EPB41: variants seen among roughly 807,000 people sequenced by gnomAD.
EPB41 encodes the protein erythrocyte membrane protein band 4.1, also known as protein 4.1.
In EPB41, 65 loss-of-function variants were observed where a neutral mutation model predicts 108.0. That is an observed-to-expected ratio of 0.60 (90% CI 0.49 to 0.74). The LOEUF is 0.74. Ranked by LOEUF, EPB41 falls within the 30% of genes least tolerant of loss-of-function variation. EPB41 has a pLI of 0.00. For synonymous variants in EPB41, 336 were observed against 358.9 expected, an observed-to-expected ratio of 0.94 and a Z score of 0.72; for missense variants, 875 against 1,037.0, an observed-to-expected ratio of 0.84 and a Z score of 2.15.
intron 1 of EPB41, among the ~76,000 whole-genome samples, chr1:28,975,614 A>G (rs1007065219): frequency 2.0e-5 from 3 of 152,106 alleles, no homozygotes; most frequent in Non-Finnish European, 4.4e-5. Flanking sequence ...GTCATTTCAT[A>G]ATGTGTCTTT....
At chr1:29,067,192 TAAAAATACAAA>T (rs1407734287) in intron 16 of EPB41, among the ~76,000 whole-genome samples, 3 of 145,298 alleles carry the variant, frequency 2.1e-5, no homozygotes, top group African/African-American at 7.7e-5. Flanking sequence ...CCATCTCTAC[TAAAAATACAAA>T]AAAATTAGCC....
At chr1:28,956,226 A>G (rs904263495) in intron 1 of EPB41, among the ~76,000 whole-genome samples, 1 of 152,178 alleles carries the variant, frequency 6.6e-6, no homozygotes. Flanking sequence ...TATACATGTC[A>G]TTGTGCGGTA....
In EPB41 at chr1:28,887,442, AG is replaced by A; in HGVS notation, c.-8+237del. On this transcript the variant is annotated intron_variant, in intron 1 of 16. Transcript: ENST00000347529. This position sits in a 1 kb window ranked among gnomAD's most constrained non-coding sequence, Gnocchi z 4.9. ...CAGGGAGGGGCGTGGGAGTCTGGAG[AG>A]GGGGTCCGGGAGCTCGGATCCGGAG... is the stretch of plus-strand genomic sequence containing the variant. 1 of 984,998 alleles carries A rather than the reference AG, an allele frequency of 1.0e-6. No individual in the cohort carries two copies. The highest frequency in any genetic ancestry group is 1.2e-6 in the Non-Finnish European group (1 of 829,800). The allele number at this position is 984,998 out of a possible 1,614,324, so 61.0% of individuals were successfully genotyped here. A position where few individuals can be genotyped will look rare whatever the true frequency, so the allele number is the denominator to read the frequency against.
At chr1:28,963,194 A>G (rs983322043) in intron 1 of EPB41, among the ~76,000 whole-genome samples, 2 of 152,204 alleles carry the variant, frequency 1.3e-5, no homozygotes, top group East Asian at 3.8e-4. Context: ...AACAAAAACA[A>G]ACAAATGAAA....
At chr1:28,935,260 G>GC (rs2093946563) in intron 1 of EPB41, among the ~76,000 whole-genome samples, 1 of 151,744 alleles carries the variant, frequency 6.6e-6, no homozygotes, top group Admixed American at 6.6e-5. Context: ...GCGAAACGCT[G>GC]TTTCTACACA....
At chr1:28,941,272 CG>C (rs1009573774) in intron 1 of EPB41, among the ~76,000 whole-genome samples, 1 of 151,644 alleles carries the variant, frequency 6.6e-6, no homozygotes, top group African/African-American at 2.4e-5. Flanking sequence ...CCCAGCTACT[CG>C]GGAGACTAAG....
At chr1:28,971,761 T>C (rs1036553969) in intron 1 of EPB41, among the ~76,000 whole-genome samples, 16 of 152,348 alleles carry the variant, frequency 1.1e-4, no homozygotes, top group Admixed American at 8.5e-4. Flanking sequence ...ACATTAGCAC[T>C]GCGTAGTAAT....
rs1639248189 is a variant in EPB41, at chr1:29,035,865, A to G, written c.1405A>G (p.Ser469Gly). The change falls in exon 10 of 21, where the codon AGT (serine) becomes GGT (glycine). Residue 469 changes from serine (S) to glycine (G), a missense_variant. This residue lies in a region of EPB41 where 519 missense variants were observed against 627.3 expected (regional missense o/e 0.83). Coordinates refer to ENST00000343067, the MANE Select transcript of EPB41 (RefSeq NM_001376013.1). ...YESTIGFKLP[S>G]YRAAKKLWKV... ...AAGTACCATCGGATTCAAACTTCCCAGTTACCGAGCAGCTAAGAAATTATG... is the reference window on the plus strand; with the variant it reads ...AAGTACCATCGGATTCAAACTTCCCGGTTACCGAGCAGCTAAGAAATTATG... The G allele has an allele frequency of 6.2e-7, 1 of 1,614,022 alleles. No homozygotes were observed. The highest frequency in any genetic ancestry group is 1.1e-5 in the South Asian group (1 of 91,090).
chr1:28,934,907 G>A (rs1243905873), intron 1 of EPB41, among the ~76,000 whole-genome samples: 1 of 151,800 alleles, frequency 6.6e-6, no homozygotes, highest in Non-Finnish European at 1.5e-5. Flanking sequence ...TGAGGCAGAA[G>A]GATTGCTTGA....
chr1:28,999,717 T>C (rs1435443553), intron 4 of EPB41, among the ~76,000 whole-genome samples: 1 of 152,170 alleles, frequency 6.6e-6, no homozygotes, highest in Admixed American at 6.5e-5. Context: ...TCAGTTACAC[T>C]GAAAACTTTT....
intron 1 of EPB41, among the ~76,000 whole-genome samples, chr1:28,930,823 T>C (rs2093704773): frequency 6.6e-6 from 1 of 152,168 alleles, no homozygotes; most frequent in Non-Finnish European, 1.5e-5. Flanking sequence ...TTTCTCTGGC[T>C]GAATATGCTT....
intron 10 of EPB41, among the ~76,000 whole-genome samples, chr1:29,038,046 A>T (rs2150403774): frequency 6.6e-6 from 1 of 152,328 alleles, no homozygotes; most frequent in Admixed American, 6.5e-5. Context: ...TCATAAATAA[A>T]CTTGATTCTT....
intron 1 of EPB41, among the ~76,000 whole-genome samples, chr1:28,931,413 C>T (rs1231847904): frequency 6.9e-6 from 1 of 145,916 alleles, no homozygotes. Context: ...GCACAAATAT[C>T]ACAAAATTTA....
intron 1 of EPB41, among the ~76,000 whole-genome samples, chr1:28,957,590 A>C (rs2095011695): frequency 6.6e-6 from 1 of 152,150 alleles, no homozygotes; most frequent in African/African-American, 2.4e-5. Flanking sequence ...TTTTTAGTAG[A>C]GACGAGGTTT....
intron 16 of EPB41, among the ~76,000 whole-genome samples, chr1:29,094,952 A>G (rs544354307): frequency 2.2e-4 from 33 of 152,362 alleles, no homozygotes; most frequent in African/African-American, 7.2e-4. Context: ...ACTTTAAATC[A>G]TCTCTAGATT....
chr1:28,907,083 G>A (rs1383020926), intron 1 of EPB41, among the ~76,000 whole-genome samples: 1 of 122,746 alleles, frequency 8.1e-6, no homozygotes, highest in African/African-American at 3.2e-5. Flanking sequence ...TTTTTTTTTT[G>A]AGATGGAGTC....
chr1:29,052,973 T>C, intron 11 of EPB41, 131 bp from the exon 12 acceptor site: 3 of 979,486 alleles, frequency 3.1e-6, no homozygotes, highest in Non-Finnish European at 4.8e-6. Flanking sequence ...TTTTACCCTC[T>C]GTGTGATAGC....
At chr1:28,925,332 G>A (rs1232140451) in intron 1 of EPB41, among the ~76,000 whole-genome samples, 1 of 151,590 alleles carries the variant, frequency 6.6e-6, no homozygotes, top group East Asian at 2.0e-4. Context: ...TTTTGGTCTT[G>A]AACTCCTGGG....
intron 5 of EPB41, among the ~76,000 whole-genome samples, chr1:29,012,514 CA>C (rs1186669962): frequency 6.6e-6 from 1 of 152,150 alleles, no homozygotes; most frequent in Non-Finnish European, 1.5e-5. Context: ...ACACCCTGAT[CA>C]GACTGGTGTC....
Sources: gnomAD v4.1 joint callset for allele counts (sites outside exome capture counted in the v4.1 genomes callset) on GRCh38, gnomAD v4.1.1 for gene constraint, gnomAD v4.1.1 regional missense constraint, Gnocchi (gnomAD v3.1) non-coding constraint, MANE v1.5 for transcripts, NCBI Gene and HGNC (gene_info 2026-07-23, HGNC 2026-07-21) for gene names.